Variants in RREB1 observed in about 807,000 individuals in gnomAD.
The protein encoded by RREB1 is ras-responsive element-binding protein 1.
Under a neutral mutation model 117.8 loss-of-function variants are expected in RREB1, and 27 were observed. The ratio of observed to expected loss-of-function variants is 0.23; its 90% CI spans 0.17 to 0.32. The LOEUF (loss-of-function observed/expected upper bound fraction) is 0.32, where lower values mean the gene tolerates loss of function less well. RREB1 is among the 10% of genes least tolerant of loss of function. The probability of loss-of-function intolerance (pLI) is 1.00; values close to 1 mark genes in which losing one functional copy is unlikely to be tolerated. For synonymous variants in RREB1, 1,298 were observed against 1,026.7 expected (o/e 1.26, Z -5.05); for missense variants, 2,577 against 2,378.2 (o/e 1.08, Z -1.74).
At chr6:7,136,699 A>C (rs1762360933) in intron 1 of RREB1, among the ~76,000 whole-genome samples, 1 of 152,260 alleles carries the variant, frequency 6.6e-6, no homozygotes. Context: ...TGGTGTGCAA[A>C]GTAACAAATA....
At chr6:7,225,341 TAAAAG>T (rs772280457) in intron 8 of RREB1, among the ~76,000 whole-genome samples, 1 of 152,174 alleles carries the variant, frequency 6.6e-6, no homozygotes, top group East Asian at 1.9e-4. Flanking sequence ...GTTGAGCCCT[TAAAAG>T]AAGGCTGAAG....
intron 1 of RREB1, among the ~76,000 whole-genome samples, chr6:7,126,682 C>T (rs1436534084): frequency 1.3e-5 from 2 of 152,216 alleles, no homozygotes; most frequent in East Asian, 3.8e-4. Context: ...TTGCTCACAG[C>T]AGCTGGGTAG....
chr6:7,125,668 C>T (rs543525664), intron 1 of RREB1, among the ~76,000 whole-genome samples: 1 of 152,246 alleles, frequency 6.6e-6, no homozygotes, highest in African/African-American at 2.4e-5. Flanking sequence ...AATATGGAAA[C>T]TCAAGGTTTT....
rs201518822 is a variant in RREB1, at chr6:7,228,993, A to G, written c.898-4A>G. ...CCTTGCTTTTACCGGTGGGTTCTAT[A>G]TAGGCCTGGTGCGAAACAAACCTGC... On this transcript the variant is annotated splice_polypyrimidine_tract_variant and splice_region_variant and intron_variant, in intron 9 of 12. Coordinates refer to ENST00000379938, the MANE Select transcript of RREB1 (RefSeq NM_001003699.4). 12 of 1,514,962 alleles carry G rather than the reference A, an allele frequency of 7.9e-6. No individual in the cohort carries two copies. The highest frequency in any genetic ancestry group is 4.2e-5 in the African/African-American group (3 of 71,910). The allele number at this position is 1,514,962 out of a possible 1,614,324, so 93.8% of individuals were successfully genotyped here. A position where few individuals can be genotyped will look rare whatever the true frequency, so the allele number is the denominator to read the frequency against.
rs772021287 is a variant in RREB1 at position 7,246,753 on chromosome 6, G to A, written c.4303G>A (p.Glu1435Lys). 16 of 1,568,344 alleles carry A rather than the reference G, an allele frequency of 1.0e-5. No individual in the cohort carries two copies. Among genetic ancestry groups the A allele is most frequent in the Middle Eastern group, 1.7e-4 (1 of 5,978 alleles). Residue 1435 changes from glutamate to lysine, a missense_variant, in exon 12 of 13, where the codon GAG becomes AAG. By Grantham distance (56) the Glu-to-Lys change is moderately conservative. Transcript: ENST00000379938. The stretch of plus-strand genomic sequence containing the variant: ...CTTCAAGCTGGCGGAGGGCGACGGC[G>A]AGGCAGGCGCCGGGGGCGCGGCCTC... ...MDFKLAEGDG[E>K]AGAGGAASQE...
At chr6:7,195,483 T>C (rs574569808) in intron 6 of RREB1, among the ~76,000 whole-genome samples, 90 of 152,312 alleles carry the variant, frequency 5.9e-4, no homozygotes, top group African/African-American at 2.0e-3. Flanking sequence ...CCCAAGCACA[T>C]ACCTGTGGGC....
At position 7,236,116 on chromosome 6, in the gene RREB1, T is replaced by C. The variant is rs567582687; in HGVS notation, c.3808+4209T>C. On this transcript the variant is annotated intron_variant, in intron 10 of 12. Transcript: ENST00000379938. ...CACTCCATAGGAGACAAGAGTGCAC[T>C]GTTCCTGCCTTTACCCCTCGGGAGC... Among the ~76,000 whole-genome samples the C allele has an allele frequency of 4.6e-5, 7 of 152,184 alleles. No homozygotes were observed. The South Asian group carries it at 1.0e-3, about 22-fold the overall frequency.
chr6:7,127,301 A>G lies in RREB1; in HGVS notation c.-285+19241A>G, dbSNP rs150441820. Among the ~76,000 whole-genome samples, 849 of 152,308 alleles carry G rather than the reference A, an allele frequency of 5.6e-3. 3 individuals are homozygous for G. The highest frequency in any genetic ancestry group is 8.7e-3 in the Admixed American group (133 of 15,302). On this transcript the variant is annotated intron_variant, in intron 1 of 12. Coordinates refer to ENST00000379938, the MANE Select transcript of RREB1 (RefSeq NM_001003699.4). Reference sequence around the variant, plus strand: ...GAAAATTTAAGTCGGAGAGAAGACAAGGTGTTTAGCAAACTGCAGTGTGAA... The same window carrying G: ...GAAAATTTAAGTCGGAGAGAAGACAGGGTGTTTAGCAAACTGCAGTGTGAA...
intron 1 of RREB1, among the ~76,000 whole-genome samples, chr6:7,133,125 A>C (rs981071284): frequency 1.3e-5 from 2 of 152,170 alleles, no homozygotes; most frequent in Non-Finnish European, 2.9e-5. Context: ...TTGCACTGGA[A>C]GGGGCCTCAG....
At chr6:7,121,503 A>C (rs962141013) in intron 1 of RREB1, among the ~76,000 whole-genome samples, 1 of 152,100 alleles carries the variant, frequency 6.6e-6, no homozygotes, top group Non-Finnish European at 1.5e-5. Context: ...TTAGAGTTAC[A>C]TTAGTATTTT....
chr6:7,121,119 T>G (rs1361239112), intron 1 of RREB1, among the ~76,000 whole-genome samples: 2 of 152,124 alleles, frequency 1.3e-5, no homozygotes, highest in Non-Finnish European at 2.9e-5. Context: ...CCACTGCGCC[T>G]GGCCAGTTTT....
At chr6:7,146,352 TG>T (rs1167173743) in intron 1 of RREB1, among the ~76,000 whole-genome samples, 1 of 150,756 alleles carries the variant, frequency 6.6e-6, no homozygotes, top group African/African-American at 2.4e-5. Context: ...CGGGGGTAGA[TG>T]GCCTGAGAGG....
chr6:7,140,665 C>G (rs1203840743), intron 1 of RREB1: 1 of 152,212 alleles, frequency 6.6e-6, no homozygotes, highest in African/African-American at 2.4e-5. Context: ...GCCGCTGGTC[C>G]TCGCCTTTTA....
At chr6:7,181,731 A>G (rs1455683225) in intron 3 of RREB1, 139 bp from the exon 4 acceptor site, 1 of 725,036 alleles carries the variant, frequency 1.4e-6, no homozygotes, top group Non-Finnish European at 2.4e-6. Context: ...CTGGGCGTGA[A>G]TGTGGCCTTT....
At position 7,246,486 on chromosome 6, in the gene RREB1, G is replaced by T. The variant is rs771985803; in HGVS notation, c.4036G>T (p.Asp1346Tyr). 5.2e-6 allele frequency: 8 copies of T among 1,542,844 alleles called. No homozygotes were observed. Among genetic ancestry groups the T allele is most frequent in the East Asian group, 2.4e-5 (1 of 41,122 alleles). ...AGEVLDLTSR[D>Y]REQPSEGATE... ...CGAAGTGCTAGACCTCACCTCACGG[G>T]ACAGAGAGCAGCCGTCGGAGGGCGC... Residue 1346 changes from aspartate to tyrosine, a missense_variant, in exon 12 of 13, where the codon GAC (aspartate) becomes TAC (tyrosine). Coordinates refer to ENST00000379938, the MANE Select transcript of RREB1 (RefSeq NM_001003699.4).
chr6:7,117,386 C>CTGTTTT (rs1761449130), intron 1 of RREB1, among the ~76,000 whole-genome samples: 1 of 86,106 alleles, frequency 1.2e-5, no homozygotes, highest in Non-Finnish European at 2.1e-5. Context: ...AATAGGTTTC[C>CTGTTTT]TGTTTTTTTT....
At chr6:7,117,686 G>A (rs1761475300) in intron 1 of RREB1, among the ~76,000 whole-genome samples, 1 of 152,046 alleles carries the variant, frequency 6.6e-6, no homozygotes. Flanking sequence ...TGGGATTACA[G>A]GCATGAGCCA....
intron 1 of RREB1, among the ~76,000 whole-genome samples, chr6:7,149,845 C>T (rs546417923): frequency 1.5e-4 from 23 of 152,152 alleles, no homozygotes; most frequent in Non-Finnish European, 2.4e-4. Flanking sequence ...TGCACCACCA[C>T]GCCTGGCTAA....
chr6:7,231,219 C>T lies in RREB1; in HGVS notation c.3120C>T (p.Ala1040=). 3 of 1,612,550 alleles carry T rather than the reference C, an allele frequency of 1.9e-6. No individual in the cohort carries two copies. Among genetic ancestry groups the T allele is most frequent in the South Asian group, 1.1e-5 (1 of 91,064 alleles). Residue 1040 remains alanine, a synonymous_variant, in exon 10 of 13, where the codon GCC becomes GCT. Transcript: ENST00000379938. ...GCTCAGCCCTCCTGAGTGGCACAGC[C>T]TTGCTGCGTCCACTGCGGCCCAAGC... is the stretch of plus-strand genomic sequence containing the variant. The part of the protein sequence containing the change: ...VGSSALLSGT[A]LLRPLRPKPP...
Sources: allele counts gnomAD v4.1 joint callset (sites outside exome capture counted in the v4.1 genomes callset), GRCh38; gene constraint gnomAD v4.1.1; transcripts MANE v1.5; gene names NCBI Gene and HGNC (gene_info 2026-07-23, HGNC 2026-07-21).